FGD6: variants seen among roughly 807,000 people sequenced by gnomAD.
FGD6 encodes FYVE, RhoGEF and PH domain-containing protein 6.
FGD6 carries 90 observed loss-of-function variants against 149.4 expected under a neutral mutation model. The observed-to-expected ratio is 0.60, with a 90% CI of 0.51 to 0.72. The LOEUF (loss-of-function observed/expected upper bound fraction) is 0.72, where lower values mean the gene tolerates loss of function less well. Ranked by LOEUF, FGD6 falls within the 30% of genes least tolerant of loss-of-function variation. FGD6 has a pLI of 0.00. For synonymous variants in FGD6, 527 were observed against 584.0 expected (o/e 0.90, Z 1.41); for missense variants, 1,437 against 1,684.8 (o/e 0.85, Z 2.57).
At chr12:95,160,573 G>A (rs1251969767) in intron 3 of FGD6, among the ~76,000 whole-genome samples, 2 of 152,158 alleles carry the variant, frequency 1.3e-5, no homozygotes, top group Admixed American at 6.5e-5. Context: ...ATGCCCAGGT[G>A]CAACTGTTTG....
chr12:95,144,105 T>C (rs991427092), intron 5 of FGD6, among the ~76,000 whole-genome samples: 1 of 152,176 alleles, frequency 6.6e-6, no homozygotes, highest in Non-Finnish European at 1.5e-5. Context: ...AGGGAACTTG[T>C]TTATTTAAGA....
At chr12:95,103,867 G>T (rs895227739) in intron 14 of FGD6, among the ~76,000 whole-genome samples, 1 of 152,122 alleles carries the variant, frequency 6.6e-6, no homozygotes, top group African/African-American at 2.4e-5. Context: ...AAAAGACTTC[G>T]ATTTGCATCC....
intron 20 of FGD6, 87 bp from the exon 21 acceptor site, chr12:95,081,643 C>A (rs7399211): frequency 5.3e-4 from 388 of 737,466 alleles, no homozygotes; most frequent in Non-Finnish European, 7.8e-4. Context: ...GCCTGTGGTC[C>A]TCATTACCAT....
At chr12:95,133,987 A>G (rs1565904571) in intron 8 of FGD6, among the ~76,000 whole-genome samples, 1 of 152,146 alleles carries the variant, frequency 6.6e-6, no homozygotes, top group Non-Finnish European at 1.5e-5. Context: ...TTTCCTTACT[A>G]AACAGACATA....
Position 95,161,324 on chromosome 12 carries a change from C to T in FGD6, c.2587-8331G>A, listed in dbSNP as rs112499573. Among the ~76,000 whole-genome samples the T allele has an allele frequency of 2.7e-3, 406 of 152,138 alleles. 1 individual carries two copies. The highest frequency in any genetic ancestry group is 4.5e-3 in the Non-Finnish European group (306 of 68,004). ...CAGCCTGGCCAACATGGTAAAACCC[C>T]GTCTCCACTAAAAATACAAAAATTA... On this transcript the variant is annotated intron_variant, in intron 3 of 20. Transcript: ENST00000343958.
chr12:95,115,825 C>G (rs1440571299), intron 8 of FGD6, among the ~76,000 whole-genome samples: 1 of 152,160 alleles, frequency 6.6e-6, no homozygotes, highest in African/African-American at 2.4e-5. Flanking sequence ...CGCCCAATTG[C>G]TGAAACTTCG....
At chr12:95,171,609 G>A (rs1234455299) in intron 3 of FGD6, among the ~76,000 whole-genome samples, 3 of 152,114 alleles carry the variant, frequency 2.0e-5, no homozygotes, top group Non-Finnish European at 2.9e-5. Context: ...TCCGCCTCCC[G>A]GGTTCACGCC....
intron 2 of FGD6, among the ~76,000 whole-genome samples, chr12:95,203,011 C>T (rs1210583703): frequency 6.6e-6 from 1 of 152,164 alleles, no homozygotes; most frequent in African/African-American, 2.4e-5. Flanking sequence ...AATGTATACT[C>T]TAATCCTTAC....
chr12:95,203,848 A>C (rs1382362925), intron 2 of FGD6, among the ~76,000 whole-genome samples: 1 of 152,232 alleles, frequency 6.6e-6, no homozygotes, highest in East Asian at 1.9e-4. Context: ...CCTCAATTTC[A>C]AAAAGGAAAT....
intron 20 of FGD6, among the ~76,000 whole-genome samples, chr12:95,082,984 T>TAAAAAAAAAAA (rs1173446654): frequency 3.2e-5 from 1 of 31,130 alleles, no homozygotes; most frequent in Non-Finnish European, 5.1e-5. Flanking sequence ...CTGTCTCCAT[T>TAAAAAAAAAAA]AAAAAAAAAA....
intron 14 of FGD6, among the ~76,000 whole-genome samples, chr12:95,099,440 T>C (rs1488479462): frequency 6.6e-6 from 1 of 152,194 alleles, no homozygotes; most frequent in Non-Finnish European, 1.5e-5. Context: ...GCCTAACTGG[T>C]TGGAGGAATC....
chr12:95,096,574 A>G (rs966728353), intron 14 of FGD6, among the ~76,000 whole-genome samples: 1 of 152,154 alleles, frequency 6.6e-6, no homozygotes, highest in African/African-American at 2.4e-5. Context: ...ACGTCAGCCA[A>G]CTCTGCTAAA....
At chr12:95,086,153 C>T (rs1877856903) in intron 18 of FGD6, among the ~76,000 whole-genome samples, 1 of 151,880 alleles carries the variant, frequency 6.6e-6, no homozygotes, top group East Asian at 1.9e-4. Flanking sequence ...CACGTGTTTG[C>T]GTATGTTTCT....
intron 2 of FGD6, among the ~76,000 whole-genome samples, chr12:95,176,413 A>G (rs930613660): frequency 3.3e-5 from 5 of 152,228 alleles, no homozygotes; most frequent in African/African-American, 1.2e-4. Context: ...TAGTTAGTTC[A>G]TAATTTGATA....
chr12:95,168,124 C>G (rs1460479301), intron 3 of FGD6, among the ~76,000 whole-genome samples: 1 of 152,112 alleles, frequency 6.6e-6, no homozygotes, highest in Non-Finnish European at 1.5e-5. Context: ...AATAAACTGA[C>G]TTTAAAAAAT....
At chr12:95,083,778 G>A (rs1410651922) in intron 20 of FGD6, among the ~76,000 whole-genome samples, 1 of 152,128 alleles carries the variant, frequency 6.6e-6, no homozygotes, top group African/African-American at 2.4e-5. Context: ...TTTTAAGCTT[G>A]TGGAGAACAC....
intron 5 of FGD6, among the ~76,000 whole-genome samples, chr12:95,147,950 T>C (rs549986184): frequency 4.6e-5 from 7 of 152,000 alleles, no homozygotes; most frequent in Non-Finnish European, 1.0e-4. Flanking sequence ...CCCTGAAGGC[T>C]TGGAAAGACA....
At chr12:95,180,739 C>T (rs1034331700) in intron 2 of FGD6, among the ~76,000 whole-genome samples, 3 of 151,852 alleles carry the variant, frequency 2.0e-5, no homozygotes, top group Admixed American at 6.6e-5. Context: ...GTTGTTATCA[C>T]GTGCATTTTT....
At chr12:95,098,351 G>A (rs900303346) in intron 14 of FGD6, among the ~76,000 whole-genome samples, 10 of 152,150 alleles carry the variant, frequency 6.6e-5, no homozygotes, top group African/African-American at 1.9e-4. Flanking sequence ...TGCAGCAGCC[G>A]GATACTCTTT....
Sources: allele counts gnomAD v4.1 joint callset (sites outside exome capture counted in the v4.1 genomes callset), GRCh38; gene constraint gnomAD v4.1.1; transcripts MANE v1.5; gene names NCBI Gene and HGNC (gene_info 2026-07-23, HGNC 2026-07-21).